HPSE2: variants seen among roughly 807,000 people sequenced by gnomAD.
The protein encoded by HPSE2 is heparanase 2 (inactive).
A neutral mutation model predicts 60.5 loss-of-function variants in HPSE2; 38 were observed. That is an observed-to-expected ratio of 0.63 (90% CI 0.48 to 0.82). The LOEUF is 0.82. Among genes scored for constraint, HPSE2 ranks in the 40% least tolerant of loss-of-function variants. The pLI, the probability that HPSE2 is intolerant of heterozygous loss-of-function variation, is 0.00. For missense variants in HPSE2, 713 were observed against 740.4 expected, an observed-to-expected ratio of 0.96 and a Z score of 0.43; for synonymous variants, 295 against 293.2, an observed-to-expected ratio of 1.01 and a Z score of -0.06.
intron 3 of HPSE2, among the ~76,000 whole-genome samples, chr10:99,118,835 G>A (rs890635146): frequency 6.6e-6 from 1 of 151,902 alleles, no homozygotes; most frequent in African/African-American, 2.4e-5. Flanking sequence ...TGGCCAACAT[G>A]ATGAAACCCT....
chr10:99,138,074 G>A (rs1349428705), intron 3 of HPSE2, among the ~76,000 whole-genome samples: 2 of 152,104 alleles, frequency 1.3e-5, no homozygotes, highest in Admixed American at 6.5e-5. Flanking sequence ...TCAAAAAGTA[G>A]GCAAAGAATA....
At chr10:98,790,007 G>A (rs1950621912) in intron 3 of HPSE2, among the ~76,000 whole-genome samples, 1 of 152,114 alleles carries the variant, frequency 6.6e-6, no homozygotes, top group South Asian at 2.1e-4. Context: ...GCTGAGTCAG[G>A]ATAGAGTCTC....
At chr10:99,028,017 A>G (rs1269338326) in intron 3 of HPSE2, among the ~76,000 whole-genome samples, 2 of 152,214 alleles carry the variant, frequency 1.3e-5, no homozygotes, top group African/African-American at 4.8e-5. Flanking sequence ...AATAAAAGCC[A>G]CATACACCAG....
At chr10:99,148,294 C>A (rs1846129329) in intron 2 of HPSE2, among the ~76,000 whole-genome samples, 1 of 152,142 alleles carries the variant, frequency 6.6e-6, no homozygotes, top group Non-Finnish European at 1.5e-5. Context: ...TCTTTAGCTA[C>A]TGTTATTGTA....
At chr10:99,047,668 G>A (rs925112924) in intron 3 of HPSE2, 23 of 774,886 alleles carry the variant, frequency 3.0e-5, no homozygotes, top group East Asian at 1.2e-4. Flanking sequence ...AGAAGAAGAC[G>A]GTTCCTGCTG....
intron 3 of HPSE2, among the ~76,000 whole-genome samples, chr10:99,136,639 C>A (rs994648486): frequency 6.6e-6 from 1 of 152,136 alleles, no homozygotes; most frequent in Admixed American, 6.5e-5. Flanking sequence ...ATCACAAAAA[C>A]CACATGATTA....
the HPSE2 span, among the ~76,000 whole-genome samples, chr10:99,310,726 A>G: frequency 6.6e-6 from 1 of 152,118 alleles, no homozygotes; most frequent in Non-Finnish European, 1.5e-5. Flanking sequence ...TCTGGGGTTC[A>G]AGCAATTCTC....
intron 9 of HPSE2, among the ~76,000 whole-genome samples, chr10:98,614,657 C>T (rs1322643658): frequency 2.6e-5 from 4 of 151,686 alleles, no homozygotes; most frequent in Non-Finnish European, 5.9e-5. Context: ...ATATTGCATA[C>T]TGCACATACA....
In HPSE2 at chr10:99,156,636, C is replaced by A. The variant is rs1034341368; in HGVS notation, c.449-12237G>T. 9.4e-4 allele frequency among the ~76,000 whole-genome samples: 101 copies of A among 107,674 alleles called. 20 individuals carry two copies. Among genetic ancestry groups the A allele is most frequent in the Non-Finnish European group, 2.1e-3 (90 of 43,068 alleles). 70.6% of individuals were successfully genotyped at this position (107,674 alleles called of 152,430 possible). On this transcript the variant is annotated intron_variant, in intron 2 of 11. Transcript: ENST00000370552. The stretch of plus-strand genomic sequence containing the variant: ...AGAGCTATCTATGACAAACCCACAG[C>A]GAATATCATACTGAATGGGCAAAAA...
chr10:98,834,501 C>T (rs773369337), intron 3 of HPSE2, among the ~76,000 whole-genome samples: 3 of 152,058 alleles, frequency 2.0e-5, no homozygotes, highest in Non-Finnish European at 4.4e-5. Context: ...AGAATATCAC[C>T]ATTTTGCAAC....
the HPSE2 span, among the ~76,000 whole-genome samples, chr10:99,262,639 G>C: frequency 6.6e-6 from 1 of 152,234 alleles, no homozygotes; most frequent in South Asian, 2.1e-4. Flanking sequence ...GTTACAGCAT[G>C]GCCTTTTAAA....
chr10:98,899,201 A>G (rs2134971551), intron 3 of HPSE2, among the ~76,000 whole-genome samples: 1 of 152,366 alleles, frequency 6.6e-6, no homozygotes, highest in East Asian at 1.9e-4. Context: ...ACAAGAATAC[A>G]TGGCTGTGAT....
chr10:98,749,947 T>TATATATATATATATATATATATATAA, intron 3 of HPSE2, among the ~76,000 whole-genome samples: 1 of 98,484 alleles, frequency 1.0e-5, no homozygotes, highest in African/African-American at 3.3e-5. Flanking sequence ...TATATATATA[T>TATATATATATATATATATATATATAA]ACACACACAC....
intron 9 of HPSE2, among the ~76,000 whole-genome samples, chr10:98,606,829 T>C (rs553779766): frequency 2.6e-5 from 4 of 152,286 alleles, no homozygotes; most frequent in South Asian, 2.1e-4. Context: ...AAAACCATAA[T>C]TGAGTTAGAA....
intron 3 of HPSE2, among the ~76,000 whole-genome samples, chr10:98,903,109 T>A (rs940498467): frequency 1.3e-5 from 2 of 152,122 alleles, no homozygotes; most frequent in Non-Finnish European, 1.5e-5. Flanking sequence ...GCAAGTACTT[T>A]TACAAGCAAC....
intron 9 of HPSE2, among the ~76,000 whole-genome samples, chr10:98,580,844 G>A (rs374832478): frequency 8.9e-5 from 7 of 78,246 alleles, no homozygotes; most frequent in Admixed American, 1.4e-4. Flanking sequence ...ATATGTGTGT[G>A]TGTGTGTGTG....
chr10:98,959,225 AATTACAATTCTTAAC>A (rs1251792702), intron 3 of HPSE2, among the ~76,000 whole-genome samples: 1 of 152,036 alleles, frequency 6.6e-6, no homozygotes, highest in African/African-American at 2.4e-5. Flanking sequence ...TTCTGCTACA[AATTACAATTCTTAAC>A]ATTCCTAAAG....
intron 9 of HPSE2, among the ~76,000 whole-genome samples, chr10:98,596,074 C>A (rs1346265949): frequency 1.3e-5 from 2 of 152,036 alleles, no homozygotes; most frequent in Non-Finnish European, 2.9e-5. Flanking sequence ...ATAAATAATC[C>A]TTTTAACGTG....
chr10:99,058,129 A>G (rs908571773), intron 3 of HPSE2, among the ~76,000 whole-genome samples: 1 of 152,180 alleles, frequency 6.6e-6, no homozygotes. Flanking sequence ...ACAGTTTTAG[A>G]GGGTTCCGGC....
Sources: allele counts gnomAD v4.1 joint callset (sites outside exome capture counted in the v4.1 genomes callset), GRCh38; gene constraint gnomAD v4.1.1; transcripts MANE v1.5; gene names NCBI Gene and HGNC (gene_info 2026-07-23, HGNC 2026-07-21).